The following VWA8 variants were observed in gnomAD, a reference collection of about 807,000 sequenced individuals.
VWA8 encodes the protein von Willebrand factor A domain-containing protein 8.
In VWA8, 221 loss-of-function variants were observed where a neutral mutation model predicts 241.5. The observed-to-expected ratio is 0.91, with a 90% CI of 0.82 to 1.02. The LOEUF (loss-of-function observed/expected upper bound fraction) is 1.02. VWA8 is among the 50% of genes least tolerant of loss of function. VWA8 has a pLI of 0.00. For missense variants in VWA8, 2,322 were observed against 2,328.7 expected, an observed-to-expected ratio of 1.00 and a Z score of 0.06; for synonymous variants, 852 against 827.1, an observed-to-expected ratio of 1.03 and a Z score of -0.52.
intron 37 of VWA8, among the ~76,000 whole-genome samples, chr13:41,624,873 A>G (rs557168543): frequency 6.6e-6 from 1 of 152,132 alleles, no homozygotes; most frequent in African/African-American, 2.4e-5. Context: ...AAAGACAGAA[A>G]GCAAACATCT....
intron 35 of VWA8, among the ~76,000 whole-genome samples, chr13:41,683,430 A>G (rs903388040): frequency 1.1e-4 from 17 of 152,178 alleles, no homozygotes; most frequent in African/African-American, 4.1e-4. Context: ...CAGGTCAGTG[A>G]TAAGTTGTAG....
chr13:41,756,873 C>A (rs968635816), intron 21 of VWA8, among the ~76,000 whole-genome samples: 1 of 151,580 alleles, frequency 6.6e-6, no homozygotes, highest in Non-Finnish European at 1.5e-5. Flanking sequence ...TTTAAAGGAA[C>A]CCTCACTCTA....
chr13:41,805,907 C>T (rs898401616), intron 17 of VWA8, among the ~76,000 whole-genome samples: 10 of 151,642 alleles, frequency 6.6e-5, no homozygotes, highest in Non-Finnish European at 1.0e-4. Context: ...TGTGATCCAA[C>T]GGCTGCAGAA....
chr13:41,659,445 T>C (rs976693210), intron 37 of VWA8, among the ~76,000 whole-genome samples: 2 of 152,228 alleles, frequency 1.3e-5, no homozygotes, highest in Non-Finnish European at 2.9e-5. Context: ...GAGAACAGCA[T>C]TGGTATATGA....
intron 19 of VWA8, among the ~76,000 whole-genome samples, chr13:41,778,832 C>CT (rs71096543): frequency 0.08 from 6,584 of 82,532 alleles, 1,339 homozygotes; most frequent in Non-Finnish European, 0.1. Context: ...CAGTACGTCA[C>CT]TTTTTTTTTT....
At chr13:41,837,435 A>C (rs1056306201) in intron 12 of VWA8, among the ~76,000 whole-genome samples, 4 of 151,866 alleles carry the variant, frequency 2.6e-5, no homozygotes, top group Non-Finnish European at 5.9e-5. Flanking sequence ...AAGCAAAACT[A>C]AACTTTCACA....
chr13:41,666,668 G>A (rs577511331), intron 37 of VWA8, among the ~76,000 whole-genome samples: 2 of 152,104 alleles, frequency 1.3e-5, no homozygotes, highest in South Asian at 2.1e-4. Context: ...TTACTAGCAC[G>A]CCACCGGGAT....
intron 12 of VWA8, among the ~76,000 whole-genome samples, chr13:41,862,094 CA>C (rs1223513622): frequency 2.0e-5 from 3 of 152,124 alleles, no homozygotes; most frequent in Non-Finnish European, 4.4e-5. Flanking sequence ...GGTACAAAAA[CA>C]GATACCTAGA....
At chr13:41,785,684 C>A (rs979811896) in intron 18 of VWA8, among the ~76,000 whole-genome samples, 4 of 152,102 alleles carry the variant, frequency 2.6e-5, no homozygotes, top group Admixed American at 1.3e-4. Flanking sequence ...TTCAATAGAT[C>A]CTTGCCATTT....
rs562629199 is a variant in VWA8, at chr13:41,921,437, G to C, written c.242-9269C>G. Among the ~76,000 whole-genome samples the C allele has an allele frequency of 3.9e-4, 60 of 152,268 alleles. 1 individual carries two copies. The South Asian group carries it at 0.012, about 32-fold the overall frequency. On this transcript the variant is annotated intron_variant, in intron 2 of 44. Coordinates refer to ENST00000379310, the MANE Select transcript of VWA8 (RefSeq NM_015058.2). ...AACACAGTGTTGGAAGTTCTGGCCA[G>C]GGCAATCAGGCAGGAGAAAGAAATT...
chr13:41,758,355 GCTATAGATACT>G (rs2045709181), intron 21 of VWA8, among the ~76,000 whole-genome samples: 2 of 101,598 alleles, frequency 2.0e-5, no homozygotes, highest in Non-Finnish European at 3.9e-5. Flanking sequence ...TTTTCCCATT[GCTATAGATACT>G]AGCATATATA....
intron 12 of VWA8, among the ~76,000 whole-genome samples, chr13:41,859,171 C>T (rs919810528): frequency 2.7e-5 from 4 of 149,612 alleles, no homozygotes; most frequent in Non-Finnish European, 5.9e-5. Context: ...ATACAAATGT[C>T]TTGAAATCTT....
chr13:41,859,967 T>A (rs1216640677), intron 12 of VWA8, among the ~76,000 whole-genome samples: 1 of 152,218 alleles, frequency 6.6e-6, no homozygotes, highest in Non-Finnish European at 1.5e-5. Context: ...CCTCTGGAAC[T>A]TTTTCATCAA....
chr13:41,660,681 C>T (rs551151064), intron 37 of VWA8, among the ~76,000 whole-genome samples: 2 of 152,250 alleles, frequency 1.3e-5, no homozygotes, highest in South Asian at 2.1e-4. Flanking sequence ...CACTGAATCA[C>T]GCTGCTGCAA....
At chr13:41,879,815 T>C (rs973072776) in intron 9 of VWA8, among the ~76,000 whole-genome samples, 2 of 152,186 alleles carry the variant, frequency 1.3e-5, no homozygotes, top group African/African-American at 2.4e-5. Context: ...TACCATTCCA[T>C]ATGCTTAACG....
chr13:41,884,898 C>T (rs201994958), intron 8 of VWA8, among the ~76,000 whole-genome samples: 1 of 17,034 alleles, frequency 5.9e-5, no homozygotes. Flanking sequence ...TATATACATA[C>T]ATACATACAT....
Position 41,693,018 on chromosome 13 carries a change from T to G in VWA8, c.3565-46A>C, listed in dbSNP as rs773725754. 2.1e-6 allele frequency: 3 copies of G among 1,431,036 alleles called. 1 individual carries two copies. Among genetic ancestry groups the G allele is most frequent in the Middle Eastern group, 3.7e-4 (2 of 5,474 alleles). The allele number at this position is 1,431,036 out of a possible 1,614,324, so 88.6% of individuals were successfully genotyped here. A position where few individuals can be genotyped will look rare whatever the true frequency, so the allele number is the denominator to read the frequency against. ...GAAAAGCTCAAGATTTGTTCTTTTT[T>G]TTTTTTTTTTTAAAGCAGCAACCTC... On this transcript the variant is annotated intron_variant, in intron 29 of 44. Transcript: ENST00000379310.
intron 42 of VWA8, among the ~76,000 whole-genome samples, chr13:41,586,355 CA>C (rs1207655563): frequency 6.6e-6 from 1 of 152,188 alleles, no homozygotes; most frequent in Non-Finnish European, 1.5e-5. Context: ...TCACTAATCA[CA>C]AGGGGAAACA....
chr13:41,827,210 T>C (rs1871214477), intron 14 of VWA8, among the ~76,000 whole-genome samples: 1 of 152,218 alleles, frequency 6.6e-6, no homozygotes, highest in Admixed American at 6.5e-5. Context: ...TGGGTACAGC[T>C]CTTAGGTTAT....
Sources: allele counts gnomAD v4.1 joint callset (sites outside exome capture counted in the v4.1 genomes callset), GRCh38; gene constraint gnomAD v4.1.1; transcripts MANE v1.5; gene names NCBI Gene and HGNC (gene_info 2026-07-23, HGNC 2026-07-21).